Variants in SORCS3 observed in about 807,000 individuals in gnomAD.
SORCS3 encodes VPS10 domain-containing receptor SorCS3.
In SORCS3, 57 loss-of-function variants were observed where a neutral mutation model predicts 146.3. That is an observed-to-expected ratio of 0.39 (90% CI 0.31 to 0.49). SORCS3 has a LOEUF of 0.49. Among genes scored for constraint, SORCS3 ranks in the 20% least tolerant of loss-of-function variants. The pLI, the probability that SORCS3 is intolerant of heterozygous loss-of-function variation, is 0.92. For missense variants in SORCS3, 1,341 were observed against 1,575.5 expected (o/e 0.85, Z 2.52); for synonymous variants, 653 against 618.5 (o/e 1.06, Z -0.83).
chr10:104,735,456 GTTTTTTTT>G (rs56203751), intron 1 of SORCS3, among the ~76,000 whole-genome samples: 1 of 34,994 alleles, frequency 2.9e-5, no homozygotes, highest in Admixed American at 3.7e-4. Flanking sequence ...CTCACCGTCT[GTTTTTTTT>G]TTTTTTTTTT....
At chr10:104,681,392 A>G (rs1343957628) in intron 1 of SORCS3, among the ~76,000 whole-genome samples, 2 of 151,988 alleles carry the variant, frequency 1.3e-5, no homozygotes, top group African/African-American at 4.8e-5. Flanking sequence ...CAGCCCTCCC[A>G]CGGAACACCA....
chr10:104,878,635 A>G (rs1316338432), intron 2 of SORCS3, among the ~76,000 whole-genome samples: 2 of 152,248 alleles, frequency 1.3e-5, no homozygotes, highest in African/African-American at 4.8e-5. Context: ...ATGATGAAAT[A>G]CAATGTGACC....
intron 4 of SORCS3, among the ~76,000 whole-genome samples, chr10:105,016,586 A>C (rs753601784): frequency 6.6e-6 from 1 of 152,152 alleles, no homozygotes. Flanking sequence ...ACAACAACAA[A>C]AAATAGCTGT....
chr10:104,666,785 T>C (rs1001692950), intron 1 of SORCS3, among the ~76,000 whole-genome samples: 2 of 152,102 alleles, frequency 1.3e-5, no homozygotes, highest in African/African-American at 4.8e-5. Context: ...TTTTTTATTT[T>C]TTATAGAGAT....
intron 2 of SORCS3, among the ~76,000 whole-genome samples, chr10:104,907,117 C>G (rs1352428699): frequency 7.2e-6 from 1 of 139,206 alleles, no homozygotes; most frequent in African/African-American, 3.0e-5. Context: ...TTGAATGCTG[C>G]TGTATAGTAC....
At chr10:104,701,199 T>A (rs10884034) in intron 1 of SORCS3, among the ~76,000 whole-genome samples, 42,434 of 152,010 alleles carry the variant, frequency 0.28, 6,162 homozygotes, top group South Asian at 0.37. Flanking sequence ...CCTGTTAGGG[T>A]CTTATAAAAA....
intron 1 of SORCS3, among the ~76,000 whole-genome samples, chr10:104,725,232 G>C (rs1280228716): frequency 6.6e-6 from 1 of 152,210 alleles, no homozygotes; most frequent in African/African-American, 2.4e-5. Flanking sequence ...GGAGTTTGCT[G>C]GAGGTCCACT....
At chr10:105,071,407 C>T (rs894350095) in intron 5 of SORCS3, among the ~76,000 whole-genome samples, 8 of 152,234 alleles carry the variant, frequency 5.3e-5, no homozygotes, top group Non-Finnish European at 8.8e-5. Context: ...AGTGTGCTGG[C>T]ACCAGGTGGA....
At chr10:105,088,144 C>T (rs1436453598) in intron 5 of SORCS3, among the ~76,000 whole-genome samples, 1 of 152,198 alleles carries the variant, frequency 6.6e-6, no homozygotes, top group Non-Finnish European at 1.5e-5. Context: ...CGTTGGAGCT[C>T]TTCCTGCTGG....
chr10:105,129,339 T>C (rs373744338), intron 7 of SORCS3, among the ~76,000 whole-genome samples: 26,026 of 128,402 alleles, frequency 0.2, 3,260 homozygotes, highest in Middle Eastern at 0.29. Context: ...CTCTTTTTTT[T>C]TTTTTTTTTT....
chr10:105,081,037 A>T (rs1006294249), intron 5 of SORCS3, among the ~76,000 whole-genome samples: 1 of 152,244 alleles, frequency 6.6e-6, no homozygotes, highest in Non-Finnish European at 1.5e-5. Flanking sequence ...TGACTTAATC[A>T]TTCTACAGCA....
intron 15 of SORCS3, among the ~76,000 whole-genome samples, chr10:105,200,323 C>CT (rs1380558814): frequency 2.0e-5 from 3 of 152,182 alleles, no homozygotes; most frequent in African/African-American, 7.2e-5. Flanking sequence ...CCCTGGGATC[C>CT]TATCTACTAA....
At chr10:104,898,209 A>G (rs1253350816) in intron 2 of SORCS3, among the ~76,000 whole-genome samples, 1 of 152,190 alleles carries the variant, frequency 6.6e-6, no homozygotes, top group Non-Finnish European at 1.5e-5. Flanking sequence ...TCGCTTCTTT[A>G]TTTGAAATAT....
chr10:104,906,027 T>C (rs1239702549), intron 2 of SORCS3, among the ~76,000 whole-genome samples: 1 of 152,198 alleles, frequency 6.6e-6, no homozygotes, highest in Admixed American at 6.5e-5. Flanking sequence ...TTTATTCATG[T>C]TCCTTCATTG....
At chr10:105,196,784 A>C (rs78203706) in intron 14 of SORCS3, among the ~76,000 whole-genome samples, 257 of 152,298 alleles carry the variant, frequency 1.7e-3, no homozygotes, top group Non-Finnish European at 3.2e-3. Flanking sequence ...GGTAGATGAA[A>C]GTGGTCTTGG....
intron 1 of SORCS3, among the ~76,000 whole-genome samples, chr10:104,716,227 A>G (rs1342160549): frequency 6.6e-6 from 1 of 152,130 alleles, no homozygotes; most frequent in Non-Finnish European, 1.5e-5. Context: ...ATCTTTCCCA[A>G]ACTAGAATAT....
intron 2 of SORCS3, among the ~76,000 whole-genome samples, chr10:104,855,941 G>A (rs1354935147): frequency 3.3e-5 from 5 of 152,106 alleles, no homozygotes; most frequent in Non-Finnish European, 5.9e-5. Flanking sequence ...TTGCCATGTT[G>A]TCCAGGCTGG....
intron 1 of SORCS3, among the ~76,000 whole-genome samples, chr10:104,735,454 C>CTTTTTTTTTTTTT (rs1554847561): frequency 1.3e-4 from 2 of 14,870 alleles, no homozygotes; most frequent in African/African-American, 3.7e-4. Flanking sequence ...CTCTCACCGT[C>CTTTTTTTTTTTTT]TGTTTTTTTT....
At chr10:104,916,162 A>G (rs1419624219) in intron 3 of SORCS3, among the ~76,000 whole-genome samples, 4 of 152,232 alleles carry the variant, frequency 2.6e-5, no homozygotes, top group Admixed American at 6.5e-5. Flanking sequence ...CTATGTACCT[A>G]TGTCTTATCT....
Sources: gnomAD v4.1 joint callset for allele counts (sites outside exome capture counted in the v4.1 genomes callset) on GRCh38, gnomAD v4.1.1 for gene constraint, MANE v1.5 for transcripts, NCBI Gene and HGNC (gene_info 2026-07-23, HGNC 2026-07-21) for gene names.